PRKN: variants seen among roughly 807,000 people sequenced by gnomAD.
PRKN encodes E3 ubiquitin-protein ligase parkin.
Under a neutral mutation model 59.5 loss-of-function variants are expected in PRKN, and 56 were observed. The observed-to-expected ratio is 0.94, with a 90% CI of 0.76 to 1.18. The LOEUF (loss-of-function observed/expected upper bound fraction) is 1.18. Among genes scored for constraint, PRKN ranks in the 50% most tolerant of loss-of-function variants. The pLI, the probability that PRKN is intolerant of heterozygous loss-of-function variation, is 0.00. For missense variants in PRKN, 657 were observed against 596.4 expected (o/e 1.10, Z -1.06); for synonymous variants, 250 against 222.1 (o/e 1.13, Z -1.12).
intron 1 of PRKN, among the ~76,000 whole-genome samples, chr6:162,691,468 T>C (rs991650696): frequency 6.6e-6 from 1 of 152,102 alleles, no homozygotes; most frequent in Non-Finnish European, 1.5e-5. Context: ...ACCATCAAGA[T>C]TTCAAAATAA....
intron 2 of PRKN, among the ~76,000 whole-genome samples, chr6:162,386,728 GAC>G (rs199546586): frequency 0.012 from 1,903 of 152,342 alleles, 21 homozygotes; most frequent in Middle Eastern, 0.02. Context: ...AGGTATAAGG[GAC>G]AGAGACAGAC....
chr6:161,901,687 T>A (rs1777921909), intron 6 of PRKN, among the ~76,000 whole-genome samples: 1 of 152,184 alleles, frequency 6.6e-6, no homozygotes, highest in Non-Finnish European at 1.5e-5. Context: ...ATGTAGATAT[T>A]TGCCTTAAAA....
chr6:161,540,997 G>A (rs1779596843), intron 9 of PRKN, among the ~76,000 whole-genome samples: 1 of 152,154 alleles, frequency 6.6e-6, no homozygotes, highest in Admixed American at 6.5e-5. Flanking sequence ...CTTTATTTCT[G>A]GAAAGTTTTT....
rs117246391 is a variant in PRKN at position 161,843,645 on chromosome 6, A to C, written c.735-57737T>G. Among the ~76,000 whole-genome samples, 1,868 of 152,174 alleles carry C rather than the reference A, an allele frequency of 0.012. 52 individuals carry two copies. The East Asian group carries it at 0.12, about 10-fold the overall frequency. ...TACTAAAAATACAAAAAGGAATTAGATAGGCATGGTGGCGGGCACCTGTAA... is the reference window on the plus strand; with the variant it reads ...TACTAAAAATACAAAAAGGAATTAGCTAGGCATGGTGGCGGGCACCTGTAA... On this transcript the variant is annotated intron_variant, in intron 6 of 11. Coordinates refer to ENST00000366898, the MANE Select transcript of PRKN (RefSeq NM_004562.3).
chr6:161,807,754 G>A (rs1035242676), intron 6 of PRKN, among the ~76,000 whole-genome samples: 16 of 152,026 alleles, frequency 1.1e-4, no homozygotes, highest in Non-Finnish European at 4.4e-5. Context: ...CGTCCTATAA[G>A]GACACCAGTT....
At chr6:162,158,797 T>G (rs1782636329) in intron 4 of PRKN, among the ~76,000 whole-genome samples, 1 of 151,966 alleles carries the variant, frequency 6.6e-6, no homozygotes, top group Non-Finnish European at 1.5e-5. Flanking sequence ...CAACACGGTT[T>G]GTGGTCCATG....
In PRKN at chr6:161,473,266, T is replaced by C. The variant is rs1268174410; in HGVS notation, c.1083+75588A>G. 6.6e-6 allele frequency among the ~76,000 whole-genome samples: 1 copy of C among 151,730 alleles called. No individual in the cohort carries two copies. Among genetic ancestry groups the C allele is most frequent in the Non-Finnish European group, 1.5e-5 (1 of 67,944 alleles). On this transcript the variant is annotated intron_variant, in intron 9 of 11. Transcript: ENST00000366898. This position sits in a 1 kb window ranked among gnomAD's most constrained non-coding sequence, Gnocchi z 4.1. ...ACCTAAGTAAGCATCAAAGGATGAA[T>C]GGATAAAGAAATTGTGGAATATATT...
chr6:161,415,733 C>A (rs948843843), intron 9 of PRKN, among the ~76,000 whole-genome samples: 7 of 151,608 alleles, frequency 4.6e-5, no homozygotes, highest in African/African-American at 1.7e-4. Context: ...AGACAGCAGT[C>A]AGAGCAGGAC....
intron 2 of PRKN, among the ~76,000 whole-genome samples, chr6:162,413,836 C>T (rs1283600279): frequency 1.3e-5 from 2 of 152,142 alleles, no homozygotes; most frequent in Non-Finnish European, 2.9e-5. Context: ...GGAGAAAGCA[C>T]AGACACAGGC....
intron 9 of PRKN, among the ~76,000 whole-genome samples, chr6:161,485,955 T>C (rs964598812): frequency 2.6e-5 from 4 of 152,148 alleles, no homozygotes; most frequent in African/African-American, 9.7e-5. Context: ...TCTATTAGGC[T>C]TTAAGACTAT....
At chr6:162,006,627 T>C (rs905857781) in intron 5 of PRKN, among the ~76,000 whole-genome samples, 1 of 152,198 alleles carries the variant, frequency 6.6e-6, no homozygotes, top group African/African-American at 2.4e-5. Flanking sequence ...GCCAAGCTCT[T>C]TCTCTGCTTA....
chr6:161,634,993 T>C (rs571823415), intron 7 of PRKN, among the ~76,000 whole-genome samples: 10 of 152,268 alleles, frequency 6.6e-5, no homozygotes, highest in African/African-American at 2.2e-4. Flanking sequence ...GACAGTGATG[T>C]TGAAGCGGGC....
intron 1 of PRKN, among the ~76,000 whole-genome samples, chr6:162,492,979 A>C (rs1192369962): frequency 6.8e-6 from 1 of 147,562 alleles, no homozygotes. Context: ...AAAAAAAAAG[A>C]AGCAGAAGAA....
intron 1 of PRKN, among the ~76,000 whole-genome samples, chr6:162,560,139 G>A (rs559585844): frequency 1.3e-5 from 2 of 152,186 alleles, no homozygotes; most frequent in East Asian, 1.9e-4. Context: ...TACTACATTC[G>A]TTAATAAAGA....
intron 9 of PRKN, among the ~76,000 whole-genome samples, chr6:161,453,704 A>C: frequency 6.7e-6 from 1 of 149,212 alleles, no homozygotes; most frequent in African/African-American, 2.5e-5. Context: ...CTAATGCACA[A>C]CGGTCGGTCC....
At chr6:162,469,663 A>C (rs1791628377) in intron 1 of PRKN, among the ~76,000 whole-genome samples, 1 of 152,096 alleles carries the variant, frequency 6.6e-6, no homozygotes, top group African/African-American at 2.4e-5. Flanking sequence ...CTCACTCATA[A>C]GTGGGAGCTA....
chr6:162,317,096 C>T (rs1445732755), intron 2 of PRKN, among the ~76,000 whole-genome samples: 1 of 152,076 alleles, frequency 6.6e-6, no homozygotes, highest in East Asian at 1.9e-4. Flanking sequence ...TTCATTCAAA[C>T]ATTAAAGCAT....
intron 6 of PRKN, among the ~76,000 whole-genome samples, chr6:161,848,200 AT>A (rs1390808146): frequency 6.6e-6 from 1 of 151,834 alleles, no homozygotes; most frequent in Admixed American, 6.6e-5. Flanking sequence ...TTTATGTTGT[AT>A]TTTTCTTTTT....
chr6:162,622,297 T>G (rs1226921649), intron 1 of PRKN, among the ~76,000 whole-genome samples: 2 of 132,972 alleles, frequency 1.5e-5, no homozygotes, highest in Admixed American at 7.7e-5. Context: ...TTCTGTTTTT[T>G]TTTTTGTTTT....
Sources: allele counts gnomAD v4.1 joint callset (sites outside exome capture counted in the v4.1 genomes callset), GRCh38; gene constraint gnomAD v4.1.1; non-coding constraint Gnocchi (gnomAD v3.1); transcripts MANE v1.5; gene names NCBI Gene and HGNC (gene_info 2026-07-23, HGNC 2026-07-21).